Variants in INPP5D observed in about 807,000 individuals in gnomAD.
INPP5D encodes the protein phosphatidylinositol 3,4,5-trisphosphate 5-phosphatase 1.
In INPP5D, 33 loss-of-function variants were observed where a neutral mutation model predicts 122.9. That is an observed-to-expected ratio of 0.27 (90% confidence interval 0.20 to 0.36). The LOEUF is 0.36. INPP5D is among the 10% of genes least tolerant of loss of function. The pLI, the probability that INPP5D is intolerant of heterozygous loss-of-function variation, is 1.00. For synonymous variants in INPP5D, 584 were observed against 576.2 expected (o/e 1.01, Z -0.19); for missense variants, 1,053 against 1,412.7 (o/e 0.75, Z 4.08).
intron 17 of INPP5D, among the ~76,000 whole-genome samples, chr2:233,176,649 G>A (rs2106308813): frequency 7.3e-6 from 1 of 136,942 alleles, no homozygotes; most frequent in Non-Finnish European, 1.6e-5. Flanking sequence ...GTCGGTGGGT[G>A]GATGGATGGG....
intron 3 of INPP5D, among the ~76,000 whole-genome samples, chr2:233,124,863 T>C (rs1357133483): frequency 1.3e-5 from 2 of 152,230 alleles, no homozygotes; most frequent in African/African-American, 4.8e-5. Flanking sequence ...CAATGCGACA[T>C]GAGGCCCGCG....
At chr2:233,184,593 C>T in intron 20 of INPP5D, 72 bp downstream of exon 20, 2 of 1,562,448 alleles carry the variant, frequency 1.3e-6, no homozygotes, top group Non-Finnish European at 1.7e-6. Flanking sequence ...TCATACTTGG[C>T]ACTTTGCCCC....
chr2:233,085,999 C>T (rs1022517278), intron 2 of INPP5D, among the ~76,000 whole-genome samples: 23 of 152,040 alleles, frequency 1.5e-4, no homozygotes, highest in African/African-American at 5.3e-4. Context: ...ACCATGTAGC[C>T]GATAAGTTTA....
intron 3 of INPP5D, among the ~76,000 whole-genome samples, chr2:233,122,619 A>G (rs1693022088): frequency 2.0e-5 from 3 of 152,116 alleles, no homozygotes; most frequent in African/African-American, 7.2e-5. Context: ...TCTGGGCAAC[A>G]TAGGCAATCC....
rs1379431747 is a variant in INPP5D at position 233,078,627 on chromosome 2, GC to G, written c.135-705del. Reference sequence around the variant, plus strand: ...ATTCACCATGGGCCGCTCTGCTTGGGCCCACTGGAGTCGTGTTTCTTCTTCA... The same window carrying G: ...ATTCACCATGGGCCGCTCTGCTTGGGCCACTGGAGTCGTGTTTCTTCTTCA... On this transcript the variant is annotated intron_variant, in intron 1 of 26. Transcript: ENST00000445964. The surrounding 1 kb of genome is among the most constrained non-coding windows in gnomAD (Gnocchi z 4.6). Among the ~76,000 whole-genome samples the G allele has an allele frequency of 6.6e-6, 1 of 152,124 alleles. No individual in the cohort carries two copies. Among genetic ancestry groups the G allele is most frequent in the African/African-American group, 2.4e-5 (1 of 41,442 alleles).
In INPP5D at chr2:233,170,522, C is replaced by T; in HGVS notation, c.1818C>T (p.Ile606=). The change falls in exon 16 of 27, where the codon ATC becomes ATT. Residue 606 remains isoleucine, a synonymous_variant. Coordinates refer to ENST00000445964, the MANE Select transcript of INPP5D (RefSeq NM_001017915.3). This position sits in a 1 kb window ranked among gnomAD's most constrained non-coding sequence, Gnocchi z 4.5. ...AGGCAGAAACCATCATCCAGAAAAT[C>T]AAGCAGCAGCAGTACGCAGACCTCC... The part of the protein sequence containing the change: ...TWEAETIIQK[I]KQQQYADLLS... The T allele has an allele frequency of 6.2e-7, 1 of 1,613,764 alleles. No homozygotes were observed. The highest frequency in any genetic ancestry group is 8.5e-7 in the Non-Finnish European group (1 of 1,179,818).
chr2:233,088,014 C>A (rs977148378), intron 2 of INPP5D, among the ~76,000 whole-genome samples: 11 of 152,014 alleles, frequency 7.2e-5, no homozygotes, highest in African/African-American at 2.7e-4. Flanking sequence ...CTCGCTCTAG[C>A]CCCCATGCTG....
chr2:233,066,709 T>G (rs1691238884), intron 1 of INPP5D, among the ~76,000 whole-genome samples: 1 of 151,778 alleles, frequency 6.6e-6, no homozygotes, highest in South Asian at 2.1e-4. Flanking sequence ...CGGGTTGAAG[T>G]GATTCTCCTG....
chr2:233,195,279 T>TC, intron 23 of INPP5D, 120 bp from the exon 24 acceptor site: 1 of 1,487,134 alleles, frequency 6.7e-7, no homozygotes, highest in Non-Finnish European at 9.2e-7. Context: ...AACTCACCTC[T>TC]CCAGGTACTC....
At chr2:233,116,830 C>T (rs112878010) in intron 2 of INPP5D, among the ~76,000 whole-genome samples, 12,188 of 146,910 alleles carry the variant, frequency 0.083, 673 homozygotes, top group African/African-American at 0.17. Context: ...CTGCTGACCT[C>T]GTGATCCACC....
At chr2:233,203,166 C>G (rs756091097) in intron 25 of INPP5D, among the ~76,000 whole-genome samples, 3 of 152,238 alleles carry the variant, frequency 2.0e-5, no homozygotes, top group Non-Finnish European at 4.4e-5. Flanking sequence ...CTTTCACCCT[C>G]AAGTAGCACA....
At chr2:233,163,452 G>T (rs1218096967) in intron 11 of INPP5D, among the ~76,000 whole-genome samples, 1 of 152,140 alleles carries the variant, frequency 6.6e-6, no homozygotes, top group East Asian at 1.9e-4. Context: ...CTGACATCAG[G>T]GAATCTTCTG....
In INPP5D at chr2:233,204,675, G is replaced by A. The variant is rs759268081; in HGVS notation, c.3525G>A (p.Pro1175=). 1.4e-5 allele frequency: 22 copies of A among 1,568,520 alleles called. No individual in the cohort carries two copies. In the African/African-American group the frequency reaches 2.2e-4, roughly 15 times the overall value. The change falls in exon 26 of 27, where the codon CCG becomes CCA. Residue 1175 remains proline, a synonymous_variant. Coordinates refer to ENST00000445964, the MANE Select transcript of INPP5D (RefSeq NM_001017915.3). ...TCCCGCATCACGGCAAGCACCGGCC[G>A]GAGGAGGGGCCACCAGGGCCTCTAG... The part of the protein sequence containing the change: ...TELPHHGKHR[P]EEGPPGPLGR...
chr2:233,066,688 CCT>C (rs1440859830), intron 1 of INPP5D, among the ~76,000 whole-genome samples: 1 of 152,162 alleles, frequency 6.6e-6, no homozygotes, highest in Non-Finnish European at 1.5e-5. Context: ...CGCACTGCAA[CCT>C]CTGTCTCCCG....
chr2:233,142,755 C>T (rs1260917719), intron 6 of INPP5D, among the ~76,000 whole-genome samples: 1 of 152,088 alleles, frequency 6.6e-6, no homozygotes, highest in Non-Finnish European at 1.5e-5. Context: ...AGTGAAAAAA[C>T]TGGGTCAGCT....
chr2:233,119,255 C>T (rs1692895526), intron 2 of INPP5D, among the ~76,000 whole-genome samples: 1 of 152,210 alleles, frequency 6.6e-6, no homozygotes, highest in Non-Finnish European at 1.5e-5. Context: ...ATGAGGCGTT[C>T]AACTTCAGCT....
intron 6 of INPP5D, chr2:233,145,124 T>C (rs1693724471): frequency 2.4e-6 from 1 of 425,016 alleles, no homozygotes; most frequent in Non-Finnish European, 4.7e-6. Flanking sequence ...ATAAGGTATC[T>C]TATTAACTCT....
intron 24 of INPP5D, among the ~76,000 whole-genome samples, chr2:233,196,259 C>T (rs762866110): frequency 3.9e-5 from 6 of 152,146 alleles, no homozygotes; most frequent in African/African-American, 2.4e-5. Context: ...GCCTCCTCTG[C>T]GAGTCTGTTG....
intron 2 of INPP5D, among the ~76,000 whole-genome samples, chr2:233,090,962 GA>G (rs112631725): frequency 0.022 from 1,932 of 86,588 alleles, 21 homozygotes; most frequent in African/African-American, 0.049. Flanking sequence ...CCGTCTCAAA[GA>G]AAAAAAAAAA....
Sources: gnomAD v4.1 joint callset for allele counts (sites outside exome capture counted in the v4.1 genomes callset) on GRCh38, gnomAD v4.1.1 for gene constraint, Gnocchi (gnomAD v3.1) non-coding constraint, MANE v1.5 for transcripts, NCBI Gene and HGNC (gene_info 2026-07-23, HGNC 2026-07-21) for gene names.